Variants in EBF2 observed in about 807,000 individuals in gnomAD.
EBF2 encodes the protein transcription factor COE2.
Under a neutral mutation model 72.8 loss-of-function variants are expected in EBF2, and 21 were observed. The observed-to-expected ratio is 0.29, with a 90% CI of 0.20 to 0.42. EBF2 has a LOEUF of 0.42. Ranked by LOEUF, EBF2 falls within the 10% of genes least tolerant of loss-of-function variation. The pLI is 1.00. For synonymous variants in EBF2, 299 were observed against 274.2 expected (o/e 1.09, Z -0.89); for missense variants, 637 against 731.2 (o/e 0.87, Z 1.49).
intron 6 of EBF2, among the ~76,000 whole-genome samples, chr8:25,910,282 T>G (rs1803104226): frequency 6.6e-6 from 1 of 152,210 alleles, no homozygotes; most frequent in Non-Finnish European, 1.5e-5. Flanking sequence ...ACACTCACAA[T>G]GCTTGCAAAT....
At chr8:25,981,075 C>G (rs1804354251) in intron 6 of EBF2, among the ~76,000 whole-genome samples, 1 of 152,144 alleles carries the variant, frequency 6.6e-6, no homozygotes, top group Admixed American at 6.5e-5. Context: ...TTGTTCCTCT[C>G]TAAGCCTTGC....
At position 26,039,673 on chromosome 8, in the gene EBF2, C is replaced by A. The variant is rs147553370; in HGVS notation, c.482+355G>T. On this transcript the variant is annotated intron_variant, in intron 5 of 15. Coordinates refer to ENST00000520164, the MANE Select transcript of EBF2 (RefSeq NM_022659.4). ...TCCAAGTGGAGTTACTGGAAATCTA[C>A]CACAAGAGGCCCGGCGGGAACTCCA... 6.2e-3 allele frequency among the ~76,000 whole-genome samples: 946 copies of A among 152,300 alleles called. 5 individuals carry two copies. The highest frequency in any genetic ancestry group is 0.021 in the African/African-American group (886 of 41,568).
rs1043353783 is a variant in EBF2 at position 26,019,116 on chromosome 8, A to C, written c.551+13969T>G. On this transcript the variant is annotated intron_variant, in intron 6 of 15. Coordinates refer to ENST00000520164, the MANE Select transcript of EBF2 (RefSeq NM_022659.4). ...TCTGCCTTCAGGCCAAGGTTTCTTA[A>C]CTTTCCCTGGAATTATCCAATGTGC... Among the ~76,000 whole-genome samples, 7 of 152,236 alleles carry C rather than the reference A, an allele frequency of 4.6e-5. No individual in the cohort carries two copies. In the East Asian group the frequency reaches 1.2e-3, roughly 25 times the overall value.
rs114773242 is a variant in EBF2 at position 25,996,868 on chromosome 8, G to A, written c.551+36217C>T. ...AAAACATTCAGAATTTACAGTTAAAGTGGAGATTTTTTTAAATTGTGAAGA... is the reference window on the plus strand; with the variant it reads ...AAAACATTCAGAATTTACAGTTAAAATGGAGATTTTTTTAAATTGTGAAGA... On this transcript the variant is annotated intron_variant, in intron 6 of 15. Coordinates refer to ENST00000520164, the MANE Select transcript of EBF2 (RefSeq NM_022659.4). Among the ~76,000 whole-genome samples the A allele has an allele frequency of 4.0e-3, 605 of 152,254 alleles. 5 individuals carry two copies. Among genetic ancestry groups the A allele is most frequent in the African/African-American group, 0.014 (574 of 41,554 alleles).
At chr8:25,871,741 C>T (rs1239897972) in intron 10 of EBF2, among the ~76,000 whole-genome samples, 1 of 152,124 alleles carries the variant, frequency 6.6e-6, no homozygotes, top group Non-Finnish European at 1.5e-5. Flanking sequence ...TTGGATCAGC[C>T]TTGAAAAACT....
In EBF2 at chr8:26,045,308, TA is replaced by T. The variant is rs1012176004; in HGVS notation, c.-450del. ...AAAAAATCCCCAACAGGATCAGTTGTAAAAAGAAGGGGAAGACCTGGAGCCG... is the reference window on the plus strand; with the variant it reads ...AAAAAATCCCCAACAGGATCAGTTGTAAAAGAAGGGGAAGACCTGGAGCCG... On this transcript the variant is annotated 5_prime_UTR_variant, in exon 1 of 16. The change abolishes the stop of an existing upstream ORF in the 5' untranslated region. Coordinates refer to ENST00000520164, the MANE Select transcript of EBF2 (RefSeq NM_022659.4). 1 of 150,630 alleles carries T rather than the reference TA, an allele frequency of 6.6e-6. No homozygotes were observed. The highest frequency in any genetic ancestry group is 2.4e-5 in the African/African-American group (1 of 40,850). 9.3% of individuals were successfully genotyped at this position (150,630 alleles called of 1,614,324 possible). A position where few individuals can be genotyped will look rare whatever the true frequency, so the allele number is the denominator to read the frequency against.
chr8:25,979,021 C>T (rs184052909), intron 6 of EBF2, among the ~76,000 whole-genome samples: 10 of 152,226 alleles, frequency 6.6e-5, no homozygotes, highest in African/African-American at 1.7e-4. Context: ...GAGGGTTCTC[C>T]GAATACCGTA....
At chr8:25,993,709 T>G (rs1013192182) in intron 6 of EBF2, among the ~76,000 whole-genome samples, 3 of 152,030 alleles carry the variant, frequency 2.0e-5, no homozygotes, top group Non-Finnish European at 4.4e-5. Flanking sequence ...GACAAAGGAA[T>G]GTAATAGAAG....
At position 25,860,623 on chromosome 8, in the gene EBF2, G is replaced by A. The variant is rs370373365; in HGVS notation, c.1342+426C>T. Among the ~76,000 whole-genome samples the A allele has an allele frequency of 7.2e-5, 11 of 151,918 alleles. No homozygotes were observed. The East Asian group carries it at 1.6e-3, about 21-fold the overall frequency. ...GCTCACTGCAGCCTCGACTTCCCAG[G>A]CTCATGTGATCCTCCCACCTCAGCC... On this transcript the variant is annotated intron_variant, in intron 13 of 15. Coordinates refer to ENST00000520164, the MANE Select transcript of EBF2 (RefSeq NM_022659.4).
At chr8:25,992,051 G>A (rs1804552803) in intron 6 of EBF2, among the ~76,000 whole-genome samples, 1 of 151,804 alleles carries the variant, frequency 6.6e-6, no homozygotes, top group Non-Finnish European at 1.5e-5. Flanking sequence ...TTTGTTTTTA[G>A]ACAGAGTCTC....
chr8:25,942,581 G>T (rs1271285697), intron 6 of EBF2, among the ~76,000 whole-genome samples: 2 of 152,218 alleles, frequency 1.3e-5, no homozygotes, highest in African/African-American at 4.8e-5. Flanking sequence ...TCTAACCCCA[G>T]CCCCCTCCTC....
chr8:26,002,904 A>G (rs1471508916), intron 6 of EBF2, among the ~76,000 whole-genome samples: 32,115 of 96,214 alleles, frequency 0.33, 4,097 homozygotes, highest in Non-Finnish European at 0.36. Context: ...GCAGGCGGGC[A>G]GGCGGGCAGG....
At chr8:25,929,475 C>T (rs1291698644) in intron 6 of EBF2, among the ~76,000 whole-genome samples, 1 of 152,146 alleles carries the variant, frequency 6.6e-6, no homozygotes, top group African/African-American at 2.4e-5. Context: ...TTATTGTGGG[C>T]TTACTCTGTT....
intron 6 of EBF2, among the ~76,000 whole-genome samples, chr8:25,947,872 C>G (rs190181180): frequency 2.0e-5 from 3 of 152,328 alleles, no homozygotes; most frequent in East Asian, 3.9e-4. Flanking sequence ...CTTATAAATT[C>G]GGGGCAGACC....
intron 7 of EBF2, among the ~76,000 whole-genome samples, chr8:25,896,508 A>T (rs1258414083): frequency 6.6e-6 from 1 of 152,194 alleles, no homozygotes; most frequent in African/African-American, 2.4e-5. Flanking sequence ...ATTCTTTATG[A>T]CATTTTACAT....
chr8:25,993,624 C>A (rs4871963), intron 6 of EBF2, among the ~76,000 whole-genome samples: 10 of 151,950 alleles, frequency 6.6e-5, no homozygotes, highest in Non-Finnish European at 1.0e-4. Context: ...TCATTCTTCA[C>A]GCAGCAACCG....
intron 10 of EBF2, among the ~76,000 whole-genome samples, chr8:25,866,443 AATATAT>A (rs58044762): frequency 4.3e-5 from 6 of 140,120 alleles, no homozygotes; most frequent in South Asian, 4.3e-4. Flanking sequence ...TTATATATAT[AATATAT>A]ATATATATAT....
At chr8:25,877,714 G>C (rs976531271) in intron 10 of EBF2, among the ~76,000 whole-genome samples, 1 of 152,018 alleles carries the variant, frequency 6.6e-6, no homozygotes, top group African/African-American at 2.4e-5. Context: ...AGGTTCTCTG[G>C]AGTCTCCCGC....
chr8:26,006,694 G>T (rs1170540387), intron 6 of EBF2, among the ~76,000 whole-genome samples: 1 of 152,176 alleles, frequency 6.6e-6, no homozygotes, highest in Admixed American at 6.5e-5. Context: ...CACTAGCTAG[G>T]CTGATGTTGG....
Sources: allele counts gnomAD v4.1 joint callset (sites outside exome capture counted in the v4.1 genomes callset), GRCh38; gene constraint gnomAD v4.1.1; transcripts MANE v1.5; gene names NCBI Gene and HGNC (gene_info 2026-07-23, HGNC 2026-07-21).